The following C3orf20 variants were observed in gnomAD, a reference collection of about 807,000 sequenced individuals.
The protein encoded by C3orf20 is uncharacterized protein C3orf20.
A neutral mutation model predicts 88.3 loss-of-function variants in C3orf20; 76 were observed. The ratio of observed to expected loss-of-function variants is 0.86; its 90% CI spans 0.72 to 1.04. The LOEUF is 1.04. Ranked by LOEUF, C3orf20 falls within the 50% of genes least tolerant of loss-of-function variation. The probability of loss-of-function intolerance (pLI) is 0.00; values close to 1 mark genes in which losing one functional copy is unlikely to be tolerated. For missense variants in C3orf20, 1,056 were observed against 1,123.3 expected (o/e 0.94, Z 0.86); for synonymous variants, 436 against 437.4 (o/e 1.00, Z 0.04).
chr3:14,743,926 G>A (rs1575146306), intron 12 of C3orf20, among the ~76,000 whole-genome samples: 2 of 152,104 alleles, frequency 1.3e-5, no homozygotes, highest in Admixed American at 1.3e-4. Context: ...TTTTCCTCCT[G>A]GGCCTCCAGG....
intron 12 of C3orf20, among the ~76,000 whole-genome samples, chr3:14,742,294 G>A (rs2342697): frequency 0.023 from 3,510 of 152,226 alleles, 123 homozygotes; most frequent in African/African-American, 0.078. Flanking sequence ...TAACAATGGC[G>A]TCACTGACTC....
chr3:14,706,658 G>T (rs1271721445), intron 7 of C3orf20, among the ~76,000 whole-genome samples: 10 of 151,040 alleles, frequency 6.6e-5, no homozygotes, highest in Non-Finnish European at 1.3e-4. Flanking sequence ...TTCTCTTTGG[G>T]AGTCCTAAAA....
rs542009055 is a variant in C3orf20, at chr3:14,733,662, T to C, written c.1940+4974T>C. On this transcript the variant is annotated intron_variant, in intron 12 of 16. Transcript: ENST00000253697. ...GTTGGATTTTTCTAGGAATTTACCA[T>C]TTTATCTAAATGTTTAAATATGTTG... Among the ~76,000 whole-genome samples, 145 of 152,252 alleles carry C rather than the reference T, an allele frequency of 9.5e-4. 2 individuals are homozygous for C. The Middle Eastern group carries it at 0.01, about 11-fold the overall frequency.
intron 12 of C3orf20, among the ~76,000 whole-genome samples, chr3:14,743,079 A>G (rs2034961885): frequency 6.6e-6 from 1 of 151,894 alleles, no homozygotes; most frequent in Non-Finnish European, 1.5e-5. Flanking sequence ...ACAGTCCCCC[A>G]AAGTCTTAAC....
At chr3:14,676,116 C>CTT (rs11379457) in intron 1 of C3orf20, among the ~76,000 whole-genome samples, 2,494 of 134,076 alleles carry the variant, frequency 0.019, 36 homozygotes, top group Middle Eastern at 0.034. Context: ...TCCCCCCCGC[C>CTT]TTTTTTTTTT....
At chr3:14,696,547 C>A (rs1329134817) in intron 5 of C3orf20, among the ~76,000 whole-genome samples, 3 of 151,970 alleles carry the variant, frequency 2.0e-5, no homozygotes. Context: ...CATGCCACCA[C>A]ACCCAGCTAA....
At chr3:14,691,351 C>T (rs1477056683) in intron 5 of C3orf20, among the ~76,000 whole-genome samples, 1 of 152,142 alleles carries the variant, frequency 6.6e-6, no homozygotes, top group Non-Finnish European at 1.5e-5. Flanking sequence ...CCTGAGCTGG[C>T]CCTAGATCTG....
intron 9 of C3orf20, among the ~76,000 whole-genome samples, chr3:14,720,835 C>G (rs1426232174): frequency 6.6e-6 from 1 of 152,244 alleles, no homozygotes; most frequent in Non-Finnish European, 1.5e-5. Context: ...GCCACTTCCA[C>G]ATTTTTATCT....
rs969510413 is a variant in C3orf20, at chr3:14,701,851, G to A, written c.746-1279G>A. On this transcript the variant is annotated intron_variant, in intron 5 of 16. Transcript: ENST00000253697. This position sits in a 1 kb window ranked among gnomAD's most constrained non-coding sequence, Gnocchi z 4.6. Reference sequence around the variant, plus strand: ...TGGCCAGTCTCATCACTTTGCACAAGTCAGTCCCTGACACATCCATCACAG... The same window carrying A: ...TGGCCAGTCTCATCACTTTGCACAAATCAGTCCCTGACACATCCATCACAG... Among the ~76,000 whole-genome samples, 1 of 152,160 alleles carries A rather than the reference G, an allele frequency of 6.6e-6. No homozygotes were observed. Among genetic ancestry groups the A allele is most frequent in the African/African-American group, 2.4e-5 (1 of 41,428 alleles).
In C3orf20 at chr3:14,701,816, C is replaced by T. The variant is rs1052706041; in HGVS notation, c.746-1314C>T. 1.7e-4 allele frequency among the ~76,000 whole-genome samples: 26 copies of T among 152,118 alleles called. No homozygotes were observed. The highest frequency in any genetic ancestry group is 6.3e-4 in the African/African-American group (26 of 41,402). On this transcript the variant is annotated intron_variant, in intron 5 of 16. Coordinates refer to ENST00000253697, the MANE Select transcript of C3orf20 (RefSeq NM_032137.5). This position sits in a 1 kb window ranked among gnomAD's most constrained non-coding sequence, Gnocchi z 4.6. ...GGAAATGCTCTCTTTTCCTGGAACC[C>T]GGGGAGACATGGCCAGTCTCATCAC...
At chr3:14,759,781 T>G (rs1439390648) in intron 13 of C3orf20, 110 bp from the exon 14 acceptor site, 2 of 825,622 alleles carry the variant, frequency 2.4e-6, no homozygotes, top group Non-Finnish European at 4.0e-6. Flanking sequence ...GAGAGGGAGT[T>G]GTACAGGGCT....
chr3:14,694,194 A>G (rs540550445), intron 5 of C3orf20, among the ~76,000 whole-genome samples: 20 of 152,280 alleles, frequency 1.3e-4, no homozygotes, highest in Non-Finnish European at 2.5e-4. Context: ...TATCAGAGTA[A>G]TATTGGCATC....
At chr3:14,697,628 T>C (rs2033065303) in intron 5 of C3orf20, among the ~76,000 whole-genome samples, 1 of 152,084 alleles carries the variant, frequency 6.6e-6, no homozygotes, top group African/African-American at 2.4e-5. Context: ...GGTGTACATG[T>C]GCCATGTTGG....
chr3:14,708,666 CAG>C (rs1162932392), intron 7 of C3orf20, among the ~76,000 whole-genome samples: 2 of 152,008 alleles, frequency 1.3e-5, no homozygotes, highest in Non-Finnish European at 2.9e-5. Flanking sequence ...GTTTTTGAGA[CAG>C]AGTCTCACTC....
chr3:14,701,497 C>T lies in C3orf20; in HGVS notation c.746-1633C>T, dbSNP rs565510372. On this transcript the variant is annotated intron_variant, in intron 5 of 16. Coordinates refer to ENST00000253697, the MANE Select transcript of C3orf20 (RefSeq NM_032137.5). The surrounding 1 kb of genome is among the most constrained non-coding windows in gnomAD (Gnocchi z 4.6). ...AACCTAGGGTGGGATATCACTGCCA[C>T]GACTCCACATGACCACATCCTCATA... Among the ~76,000 whole-genome samples the T allele has an allele frequency of 2.0e-5, 3 of 151,872 alleles. No individual in the cohort carries two copies. The highest frequency in any genetic ancestry group is 2.9e-5 in the Non-Finnish European group (2 of 68,002).
chr3:14,714,393 G>C (rs1411983456), intron 8 of C3orf20, among the ~76,000 whole-genome samples: 1 of 152,124 alleles, frequency 6.6e-6, no homozygotes, highest in Non-Finnish European at 1.5e-5. Context: ...ACCTTCCCAA[G>C]TCCTACTCCA....
chr3:14,717,478 C>T (rs1240291228), intron 9 of C3orf20, among the ~76,000 whole-genome samples: 1 of 152,034 alleles, frequency 6.6e-6, no homozygotes, highest in African/African-American at 2.4e-5. Flanking sequence ...AAGGTTGAAG[C>T]TGGGACTAAA....
At chr3:14,711,919 T>C (rs1195138687) in intron 7 of C3orf20, among the ~76,000 whole-genome samples, 1 of 152,156 alleles carries the variant, frequency 6.6e-6, no homozygotes, top group Non-Finnish European at 1.5e-5. Flanking sequence ...TTTTGTAGCA[T>C]GCCATTTTGA....
chr3:14,685,638 T>C (rs997900383), intron 4 of C3orf20, among the ~76,000 whole-genome samples: 1 of 152,094 alleles, frequency 6.6e-6, no homozygotes, highest in Admixed American at 6.6e-5. Flanking sequence ...AGTGAAAGTT[T>C]GTACCCTTTG....
Sources: gnomAD v4.1 joint callset for allele counts (sites outside exome capture counted in the v4.1 genomes callset) on GRCh38, gnomAD v4.1.1 for gene constraint, Gnocchi (gnomAD v3.1) non-coding constraint, MANE v1.5 for transcripts, NCBI Gene and HGNC (gene_info 2026-07-23, HGNC 2026-07-21) for gene names.